COG6: variants seen among roughly 807,000 people sequenced by gnomAD.
The protein encoded by COG6 is conserved oligomeric Golgi complex subunit 6.
Under a neutral mutation model 88.8 loss-of-function variants are expected in COG6, and 74 were observed. The ratio of observed to expected loss-of-function variants is 0.83; its 90% CI spans 0.69 to 1.01. The LOEUF (loss-of-function observed/expected upper bound fraction) is 1.01, where lower values mean the gene tolerates loss of function less well. COG6 is among the 50% of genes least tolerant of loss of function. COG6 has a pLI of 0.00. For synonymous variants in COG6, 286 were observed against 278.7 expected (o/e 1.03, Z -0.26); for missense variants, 800 against 797.9 (o/e 1.00, Z -0.03).
At chr13:39,685,356 G>A (rs763085185) in intron 8 of COG6, among the ~76,000 whole-genome samples, 8 of 152,086 alleles carry the variant, frequency 5.3e-5, no homozygotes, top group Non-Finnish European at 1.2e-4. Context: ...GAAGGTTCAC[G>A]TGGCTTATGC....
intron 15 of COG6, among the ~76,000 whole-genome samples, chr13:39,720,293 C>G (rs1355867132): frequency 6.6e-6 from 1 of 151,976 alleles, no homozygotes; most frequent in African/African-American, 2.4e-5. Context: ...AATTGCTATA[C>G]CAACCACTTG....
intron 10 of COG6, among the ~76,000 whole-genome samples, chr13:39,688,516 C>T (rs1003343142): frequency 3.3e-5 from 5 of 151,978 alleles, no homozygotes; most frequent in Admixed American, 3.3e-4. Context: ...TGGGGAGGTG[C>T]CACACACTTT....
chr13:39,742,777 C>G (rs2138127954), intron 18 of COG6, among the ~76,000 whole-genome samples: 1 of 152,298 alleles, frequency 6.6e-6, no homozygotes, highest in East Asian at 1.9e-4. Context: ...ACAGAACTCT[C>G]CACCCCAAAT....
intron 4 of COG6, among the ~76,000 whole-genome samples, chr13:39,668,787 C>CA (rs58876374): frequency 0.018 from 1,623 of 89,336 alleles, 18 homozygotes; most frequent in African/African-American, 0.027. Flanking sequence ...GACTCCGTCT[C>CA]AAAAAAAAAA....
intron 7 of COG6, among the ~76,000 whole-genome samples, chr13:39,680,583 C>T (rs1876251680): frequency 6.6e-6 from 1 of 152,192 alleles, no homozygotes; most frequent in Non-Finnish European, 1.5e-5. Context: ...GCATTTGTTT[C>T]TGTAGGCTTT....
At chr13:39,694,262 G>A (rs1206374167) in intron 11 of COG6, among the ~76,000 whole-genome samples, 1 of 151,690 alleles carries the variant, frequency 6.6e-6, no homozygotes, top group Non-Finnish European at 1.5e-5. Context: ...TAGCAATAAA[G>A]CATTATGTTT....
chr13:39,736,552 A>G (rs1255744932), intron 18 of COG6, among the ~76,000 whole-genome samples: 2 of 151,672 alleles, frequency 1.3e-5, no homozygotes, highest in Non-Finnish European at 2.9e-5. Flanking sequence ...TTAGCCAGGC[A>G]TAGTGGTGCA....
intron 18 of COG6, among the ~76,000 whole-genome samples, chr13:39,729,939 C>A (rs1179208955): frequency 6.6e-6 from 1 of 152,066 alleles, no homozygotes; most frequent in Admixed American, 6.6e-5. Context: ...TGGATCTATT[C>A]GAGTCGTTTG....
At position 39,752,202 on chromosome 13, in the gene COG6, C is replaced by A; in HGVS notation, c.*1109C>A. The A allele has an allele frequency of 9.0e-7, 1 of 1,109,284 alleles. No individual in the cohort carries two copies. The allele number at this position is 1,109,284 out of a possible 1,614,324, so 68.7% of individuals were successfully genotyped here. ...TAAAAATGGGTAAGTCCCTAAATTA[C>A]AAATGAGAAAATTGAAGCACAAGGA... On this transcript the variant is annotated 3_prime_UTR_variant, in exon 19 of 19. Coordinates refer to ENST00000455146, the MANE Select transcript of COG6 (RefSeq NM_020751.3).
intron 18 of COG6, among the ~76,000 whole-genome samples, chr13:39,775,012 C>T (rs1182010438): frequency 6.6e-6 from 1 of 152,130 alleles, no homozygotes; most frequent in Non-Finnish European, 1.5e-5. Context: ...ACAAAAATGA[C>T]AATGAAATAT....
intron 4 of COG6, among the ~76,000 whole-genome samples, chr13:39,668,138 T>C (rs1875384939): frequency 6.6e-6 from 1 of 152,120 alleles, no homozygotes; most frequent in Non-Finnish European, 1.5e-5. Context: ...ACAGTAAACA[T>C]AAGAGCCACC....
At chr13:39,737,163 G>A (rs7325068) in intron 18 of COG6, among the ~76,000 whole-genome samples, 63,063 of 151,864 alleles carry the variant, frequency 0.42, 13,432 homozygotes, top group Admixed American at 0.56. Flanking sequence ...CTTTCCCCCA[G>A]GCAAATAGAG....
chr13:39,714,850 G>T (rs1489934115), intron 13 of COG6, among the ~76,000 whole-genome samples: 12 of 152,152 alleles, frequency 7.9e-5, no homozygotes, highest in African/African-American at 2.9e-4. Context: ...CAGTTGTAAA[G>T]ATATGGAACC....
chr13:39,751,588 G>C lies in COG6; in HGVS notation c.*495G>C. 7.8e-7 allele frequency: 1 copy of C among 1,287,144 alleles called. No individual in the cohort carries two copies. Among genetic ancestry groups the C allele is most frequent in the Non-Finnish European group, 1.0e-6 (1 of 988,682 alleles). The allele number at this position is 1,287,144 out of a possible 1,614,324, so 79.7% of individuals were successfully genotyped here. ...CTATGTCTCTGTCCCCAAAATAGCT[G>C]CCCTTAAAGAGTTGTTAGCAGAGAG... On this transcript the variant is annotated 3_prime_UTR_variant, in exon 19 of 19. Coordinates refer to ENST00000455146, the MANE Select transcript of COG6 (RefSeq NM_020751.3).
At chr13:39,725,986 T>C (rs1256597271) in intron 17 of COG6, among the ~76,000 whole-genome samples, 1 of 151,912 alleles carries the variant, frequency 6.6e-6, no homozygotes, top group African/African-American at 2.4e-5. Context: ...ATACAACTCA[T>C]AAAATATTTG....
At chr13:39,769,797 T>C (rs1371561093) in intron 18 of COG6, among the ~76,000 whole-genome samples, 1 of 152,104 alleles carries the variant, frequency 6.6e-6, no homozygotes, top group Non-Finnish European at 1.5e-5. Flanking sequence ...TGTGCCCTTA[T>C]AAAATAGGCA....
intron 3 of COG6, among the ~76,000 whole-genome samples, chr13:39,661,661 A>T (rs1208604700): frequency 6.6e-6 from 1 of 151,894 alleles, no homozygotes; most frequent in Non-Finnish European, 1.5e-5. Context: ...TATTATTGGC[A>T]TGTTTATTGT....
At chr13:39,778,608 G>T (rs1393436796) in intron 18 of COG6, among the ~76,000 whole-genome samples, 1 of 152,216 alleles carries the variant, frequency 6.6e-6, no homozygotes, top group Non-Finnish European at 1.5e-5. Context: ...TTAGTTATCT[G>T]TGAAAACAGA....
intron 8 of COG6, among the ~76,000 whole-genome samples, chr13:39,686,683 A>C (rs1876662067): frequency 6.6e-6 from 1 of 152,186 alleles, no homozygotes. Context: ...TGTGTAAAGA[A>C]GACTTTTTTA....
Sources: allele counts gnomAD v4.1 joint callset (sites outside exome capture counted in the v4.1 genomes callset), GRCh38; gene constraint gnomAD v4.1.1; transcripts MANE v1.5; gene names NCBI Gene and HGNC (gene_info 2026-07-23, HGNC 2026-07-21).